EXOC6: variants seen among roughly 807,000 people sequenced by gnomAD.
The protein encoded by EXOC6 is exocyst complex component 6.
A neutral mutation model predicts 112.5 loss-of-function variants in EXOC6; 60 were observed. The ratio of observed to expected loss-of-function variants is 0.53; its 90% confidence interval spans 0.43 to 0.66. The LOEUF (loss-of-function observed/expected upper bound fraction) is 0.66. Ranked by LOEUF, EXOC6 falls within the 30% of genes least tolerant of loss-of-function variation. The pLI is 0.00. For synonymous variants in EXOC6, 295 were observed against 308.0 expected (o/e 0.96, Z 0.44); for missense variants, 855 against 957.1 (o/e 0.89, Z 1.41).
At chr10:93,041,496 A>G (rs113329052) in intron 20 of EXOC6, among the ~76,000 whole-genome samples, 5,198 of 151,992 alleles carry the variant, frequency 0.034, 315 homozygotes, top group African/African-American at 0.12. Flanking sequence ...GGTTCAAGCA[A>G]TTCTTCTGCC....
chr10:92,843,851 G>C (rs1846947578), upstream of EXOC6, among the ~76,000 whole-genome samples: 1 of 152,080 alleles, frequency 6.6e-6, no homozygotes, highest in South Asian at 2.1e-4. Context: ...AGCCGGGCGT[G>C]GTGGCTGGCA....
chr10:92,975,949 C>T, intron 18 of EXOC6, among the ~76,000 whole-genome samples: 1 of 144,744 alleles, frequency 6.9e-6, no homozygotes, highest in Non-Finnish European at 1.5e-5. Context: ...CGGCCAGCCG[C>T]CCCGTCCGGT....
At chr10:93,029,128 A>G (rs1411330462) in intron 20 of EXOC6, among the ~76,000 whole-genome samples, 3 of 152,220 alleles carry the variant, frequency 2.0e-5, no homozygotes, top group Non-Finnish European at 4.4e-5. Context: ...TCCACCAGCA[A>G]AAACATTGCT....
At chr10:92,924,940 GT>G (rs1180253792) in intron 8 of EXOC6, among the ~76,000 whole-genome samples, 1 of 152,112 alleles carries the variant, frequency 6.6e-6, no homozygotes, top group Non-Finnish European at 1.5e-5. Flanking sequence ...CTGTTCCTGA[GT>G]TCTGTCACTT....
At chr10:93,021,077 G>A (rs997267164) in intron 20 of EXOC6, among the ~76,000 whole-genome samples, 2 of 151,970 alleles carry the variant, frequency 1.3e-5, no homozygotes, top group Admixed American at 1.3e-4. Flanking sequence ...AGGCTCAACA[G>A]ACTTTGTCCC....
intron 20 of EXOC6, among the ~76,000 whole-genome samples, chr10:93,047,299 G>A (rs902908846): frequency 9.2e-5 from 14 of 152,202 alleles, no homozygotes; most frequent in African/African-American, 1.7e-4. Flanking sequence ...CACTTTGGGA[G>A]GCCAAGGCAG....
At chr10:92,926,522 GAAAAATAAAAAA>G (rs1322190418) in intron 8 of EXOC6, among the ~76,000 whole-genome samples, 1 of 146,548 alleles carries the variant, frequency 6.8e-6, no homozygotes, top group African/African-American at 2.5e-5. Flanking sequence ...GAGGAGAAAA[GAAAAATAAAAAA>G]AAAAAGAAAG....
chr10:92,950,932 A>C (rs1382016102), intron 14 of EXOC6, among the ~76,000 whole-genome samples: 2 of 152,178 alleles, frequency 1.3e-5, no homozygotes, highest in Admixed American at 1.3e-4. Context: ...GGTTATGGTC[A>C]TTGAAGCTGA....
At chr10:92,864,342 A>G (rs1257713054) in intron 1 of EXOC6, among the ~76,000 whole-genome samples, 1 of 152,262 alleles carries the variant, frequency 6.6e-6, no homozygotes, top group Non-Finnish European at 1.5e-5. Context: ...AGGCAGATAT[A>G]CATCATTTTC....
intron 17 of EXOC6, among the ~76,000 whole-genome samples, chr10:92,958,452 A>G (rs1853811071): frequency 6.6e-6 from 1 of 152,210 alleles, no homozygotes; most frequent in Non-Finnish European, 1.5e-5. Context: ...TGCCTAGAAG[A>G]AATGCACTTC....
intron 1 of EXOC6, among the ~76,000 whole-genome samples, chr10:92,868,465 C>T (rs965307855): frequency 6.6e-6 from 1 of 152,032 alleles, no homozygotes; most frequent in Non-Finnish European, 1.5e-5. Flanking sequence ...TTGGAAGCTT[C>T]GTTGTTTTAA....
intron 20 of EXOC6, among the ~76,000 whole-genome samples, chr10:93,044,454 A>G (rs1845916447): frequency 6.6e-6 from 1 of 152,192 alleles, no homozygotes; most frequent in South Asian, 2.1e-4. Context: ...GAGATATTAT[A>G]ATATTGTCTT....
chr10:92,890,646 G>C lies in EXOC6; in HGVS notation c.102-2703G>C, dbSNP rs548606891. Among the ~76,000 whole-genome samples, 3 of 148,222 alleles carry C rather than the reference G, an allele frequency of 2.0e-5. No homozygotes were observed. The South Asian group carries it at 6.4e-4, about 31-fold the overall frequency. Reference sequence around the variant, plus strand: ...AAAAAATAAAGCAGGGAAGGGGATAGTGTGTGTGTGTGTGTGTATCTGTCT... The same window carrying C: ...AAAAAATAAAGCAGGGAAGGGGATACTGTGTGTGTGTGTGTGTATCTGTCT... On this transcript the variant is annotated intron_variant, in intron 1 of 21. Transcript: ENST00000260762.
At chr10:92,931,027 G>A (rs1405785378) in intron 9 of EXOC6, among the ~76,000 whole-genome samples, 95 of 149,528 alleles carry the variant, frequency 6.4e-4, no homozygotes, top group Admixed American at 6.8e-5. Flanking sequence ...CAGGAGAATC[G>A]CTTGAACCTG....
At chr10:92,908,211 C>T (rs559525862) in intron 5 of EXOC6, among the ~76,000 whole-genome samples, 68 of 151,842 alleles carry the variant, frequency 4.5e-4, no homozygotes, top group African/African-American at 1.4e-3. Flanking sequence ...TGCACTACCA[C>T]GCCCGACTAA....
chr10:93,008,636 A>G (rs943572784), intron 19 of EXOC6, among the ~76,000 whole-genome samples: 9 of 152,222 alleles, frequency 5.9e-5, no homozygotes, highest in African/African-American at 2.2e-4. Flanking sequence ...TTAAAAGATT[A>G]AAATTGACCC....
At chr10:92,923,052 A>G (rs1851529947) in intron 8 of EXOC6, among the ~76,000 whole-genome samples, 1 of 152,160 alleles carries the variant, frequency 6.6e-6, no homozygotes, top group Non-Finnish European at 1.5e-5. Context: ...CTTTTCAGCT[A>G]GAAGCTACCC....
chr10:92,917,679 C>T (rs979182338), intron 7 of EXOC6, among the ~76,000 whole-genome samples: 6 of 151,774 alleles, frequency 4.0e-5, no homozygotes, highest in African/African-American at 7.3e-5. Flanking sequence ...CACACTATCA[C>T]CATGCCTGGC....
chr10:92,845,660 C>T (rs546885171), upstream of EXOC6, among the ~76,000 whole-genome samples: 19 of 151,554 alleles, frequency 1.3e-4, no homozygotes, highest in East Asian at 3.9e-4. Flanking sequence ...CAGTTAGGGC[C>T]GGGGACGGTG....
Sources: allele counts gnomAD v4.1 joint callset (sites outside exome capture counted in the v4.1 genomes callset), GRCh38; gene constraint gnomAD v4.1.1; transcripts MANE v1.5; gene names NCBI Gene and HGNC (gene_info 2026-07-23, HGNC 2026-07-21).